ME3: variants seen among roughly 807,000 people sequenced by gnomAD.
ME3 encodes NADP-dependent malic enzyme, mitochondrial.
A neutral mutation model predicts 68.9 loss-of-function variants in ME3; 48 were observed. That is an observed-to-expected ratio of 0.70 (90% CI 0.55 to 0.89). The LOEUF (loss-of-function observed/expected upper bound fraction) is 0.89, where lower values mean the gene tolerates loss of function less well. ME3 is among the 40% of genes least tolerant of loss of function. The probability of loss-of-function intolerance (pLI) is 0.00; values close to 1 mark genes in which losing one functional copy is unlikely to be tolerated. For missense variants in ME3, 675 were observed against 797.4 expected, an observed-to-expected ratio of 0.85 and a Z score of 1.85; for synonymous variants, 320 against 318.8, an observed-to-expected ratio of 1.00 and a Z score of -0.04.
chr11:86,661,890 C>G (rs2135492875), intron 2 of ME3, among the ~76,000 whole-genome samples: 1 of 150,812 alleles, frequency 6.6e-6, no homozygotes, highest in Non-Finnish European at 1.5e-5. Context: ...TTGTATTGAC[C>G]ACGGTGTCTC....
exon 5 of ME3, chr11:86,508,853 G>A (rs1427612487): frequency 2.5e-6 from 4 of 1,613,018 alleles, no homozygotes; most frequent in Admixed American, 1.7e-5. Context: ...GTCATGAATG[G>A]TGATGAACAG....
chr11:86,484,540 CTGTG>C (rs919510780), intron 7 of ME3, among the ~76,000 whole-genome samples: 3 of 152,176 alleles, frequency 2.0e-5, no homozygotes, highest in African/African-American at 7.2e-5. Context: ...CCCGGACTGC[CTGTG>C]TGTGTGTGTC....
intron 7 of ME3, among the ~76,000 whole-genome samples, chr11:86,486,331 C>G (rs1951685064): frequency 6.6e-6 from 1 of 152,222 alleles, no homozygotes; most frequent in Non-Finnish European, 1.5e-5. Context: ...AAACACAACA[C>G]CAACAAAACT....
At chr11:86,634,429 T>C (rs1944206798) in intron 2 of ME3, among the ~76,000 whole-genome samples, 1 of 152,222 alleles carries the variant, frequency 6.6e-6, no homozygotes, top group Non-Finnish European at 1.5e-5. Context: ...TTTTAAACTC[T>C]AGACTTCCCA....
chr11:86,530,520 A>G (rs1189180804), intron 4 of ME3, among the ~76,000 whole-genome samples: 4 of 152,232 alleles, frequency 2.6e-5, no homozygotes, highest in Admixed American at 2.0e-4. Context: ...TATGGAACCA[A>G]AAAATAGCCT....
chr11:86,530,976 A>G (rs1442478205), intron 4 of ME3, among the ~76,000 whole-genome samples: 2 of 152,164 alleles, frequency 1.3e-5, no homozygotes, highest in Non-Finnish European at 2.9e-5. Flanking sequence ...AGCAATGGCA[A>G]CAAAAGCCAA....
At chr11:86,532,611 C>A (rs977568067) in intron 4 of ME3, among the ~76,000 whole-genome samples, 1 of 152,220 alleles carries the variant, frequency 6.6e-6, no homozygotes, top group South Asian at 2.1e-4. Flanking sequence ...ACAACATTCT[C>A]TGAACAACCC....
intron 12 of ME3, among the ~76,000 whole-genome samples, chr11:86,446,717 AG>A (rs1949323653): frequency 6.6e-6 from 1 of 152,244 alleles, no homozygotes; most frequent in Non-Finnish European, 1.5e-5. Flanking sequence ...TGGGGTTCAC[AG>A]CACCATTTTT....
intron 4 of ME3, among the ~76,000 whole-genome samples, chr11:86,524,588 G>T (rs182474988): frequency 6.6e-6 from 1 of 152,318 alleles, no homozygotes; most frequent in African/African-American, 2.4e-5. Context: ...GCAGGCATCT[G>T]AGTCCTATCC....
intron 6 of ME3, among the ~76,000 whole-genome samples, chr11:86,497,306 A>C (rs1336019842): frequency 2.0e-5 from 3 of 152,166 alleles, no homozygotes; most frequent in Non-Finnish European, 2.9e-5. Context: ...CACTGATCTC[A>C]AAGATAAATG....
intron 8 of ME3, among the ~76,000 whole-genome samples, chr11:86,454,510 G>T (rs1243100412): frequency 6.6e-6 from 1 of 152,230 alleles, no homozygotes; most frequent in African/African-American, 2.4e-5. Context: ...CATGGAAAAT[G>T]CTGTGAAGCT....
chr11:86,586,596 C>A (rs1431704997), intron 2 of ME3, among the ~76,000 whole-genome samples: 1 of 152,098 alleles, frequency 6.6e-6, no homozygotes, highest in East Asian at 1.9e-4. Context: ...GTGCCAAAGT[C>A]CTCAATAATT....
chr11:86,535,389 A>G (rs976273162), intron 4 of ME3, among the ~76,000 whole-genome samples: 5 of 152,188 alleles, frequency 3.3e-5, no homozygotes, highest in African/African-American at 1.2e-4. Flanking sequence ...AGGGCAATCT[A>G]TGGAACCTCA....
intron 2 of ME3, among the ~76,000 whole-genome samples, chr11:86,644,921 C>T (rs765905928): frequency 1.8e-4 from 27 of 152,164 alleles, no homozygotes; most frequent in African/African-American, 2.2e-4. Flanking sequence ...TGAACAGAAG[C>T]AGGGTGGGGC....
chr11:86,591,133 G>C (rs1028186088), intron 2 of ME3, among the ~76,000 whole-genome samples: 1 of 152,066 alleles, frequency 6.6e-6, no homozygotes, highest in Admixed American at 6.6e-5. Context: ...GAATCCTAAG[G>C]GTCAATAAGA....
intron 2 of ME3, among the ~76,000 whole-genome samples, chr11:86,635,799 A>G (rs1271067684): frequency 6.6e-6 from 1 of 152,240 alleles, no homozygotes; most frequent in South Asian, 2.1e-4. Flanking sequence ...CAAATGGACT[A>G]ACACAGCCTA....
chr11:86,603,400 T>C (rs1961058184), intron 2 of ME3, among the ~76,000 whole-genome samples: 1 of 152,162 alleles, frequency 6.6e-6, no homozygotes, highest in African/African-American at 2.4e-5. Context: ...CACAATGAGA[T>C]ACCATCTCAC....
At chr11:86,667,882 T>C (rs1161104378) in intron 2 of ME3, 1 of 152,162 alleles carries the variant, frequency 6.6e-6, no homozygotes, top group Non-Finnish European at 1.5e-5. Flanking sequence ...CTATTTAATG[T>C]GAGTAAAAGA....
intron 7 of ME3, among the ~76,000 whole-genome samples, chr11:86,472,290 A>C (rs374741622): frequency 3.0e-4 from 46 of 152,326 alleles, no homozygotes; most frequent in African/African-American, 1.1e-3. Flanking sequence ...TTTCATGCCC[A>C]TGTAAACAGC....
Sources: gnomAD v4.1 joint callset for allele counts (sites outside exome capture counted in the v4.1 genomes callset) on GRCh38, gnomAD v4.1.1 for gene constraint, MANE v1.5 for transcripts, NCBI Gene and HGNC (gene_info 2026-07-23, HGNC 2026-07-21) for gene names.